WDFY3: variants seen among roughly 807,000 people sequenced by gnomAD.
WDFY3 encodes WD repeat and FYVE domain containing 3, also known as WD repeat and FYVE domain-containing protein 3.
WDFY3 carries 66 observed loss-of-function variants against 409.6 expected under a neutral mutation model. That is an observed-to-expected ratio of 0.16 (90% CI 0.13 to 0.20). WDFY3 has a LOEUF of 0.20. Among genes scored for constraint, WDFY3 ranks in the 10% least tolerant of loss-of-function variants. The probability of loss-of-function intolerance (pLI) is 1.00; values close to 1 mark genes in which losing one functional copy is unlikely to be tolerated. For missense variants in WDFY3, 3,031 were observed against 4,298.1 expected, an observed-to-expected ratio of 0.71 and a Z score of 8.24; for synonymous variants, 1,521 against 1,537.1, an observed-to-expected ratio of 0.99 and a Z score of 0.25.
intron 32 of WDFY3, among the ~76,000 whole-genome samples, chr4:84,759,995 TGA>T (rs1742237943): frequency 6.6e-6 from 1 of 152,076 alleles, no homozygotes; most frequent in South Asian, 2.1e-4. Flanking sequence ...CCTAATTTAT[TGA>T]GAGTTTTTAG....
intron 32 of WDFY3, among the ~76,000 whole-genome samples, chr4:84,763,041 T>C (rs943011468): frequency 6.6e-6 from 1 of 152,092 alleles, no homozygotes; most frequent in African/African-American, 2.4e-5. Flanking sequence ...TTGATTACAT[T>C]GCAAGTCCTA....
Position 84,691,970 on chromosome 4 carries a change from C to G in WDFY3, c.9050-185G>C, listed in dbSNP as rs138520888. 8.0e-3 allele frequency among the ~76,000 whole-genome samples: 1,214 copies of G among 152,298 alleles called. 13 individuals carry two copies. The highest frequency in any genetic ancestry group is 0.028 in the African/African-American group (1,143 of 41,558). On this transcript the variant is annotated intron_variant, in intron 59 of 67. Transcript: ENST00000295888. Reference sequence around the variant, plus strand: ...TACAAGACCTGCTGGGTGGAATGTTCAACCTAACAGGGCCTCTGCAGGACT... The same window carrying G: ...TACAAGACCTGCTGGGTGGAATGTTGAACCTAACAGGGCCTCTGCAGGACT...
intron 29 of WDFY3, among the ~76,000 whole-genome samples, chr4:84,774,088 T>A (rs1399583926): frequency 6.6e-6 from 1 of 152,138 alleles, no homozygotes; most frequent in Admixed American, 6.5e-5. Context: ...ACTATACAGA[T>A]TAGAGGTTAG....
At chr4:84,915,977 A>G (rs1349565052) in intron 2 of WDFY3, among the ~76,000 whole-genome samples, 1 of 152,210 alleles carries the variant, frequency 6.6e-6, no homozygotes, top group Non-Finnish European at 1.5e-5. Flanking sequence ...TAATAAACTT[A>G]GTCCTGAAAT....
chr4:84,939,913 T>C (rs546499367), intron 1 of WDFY3, among the ~76,000 whole-genome samples: 3 of 152,100 alleles, frequency 2.0e-5, no homozygotes, highest in East Asian at 1.9e-4. Context: ...GCCCTTTTAC[T>C]GGACAGAGCT....
chr4:84,905,292 T>G (rs1766894595), intron 2 of WDFY3, among the ~76,000 whole-genome samples: 2 of 152,286 alleles, frequency 1.3e-5, no homozygotes, highest in African/African-American at 4.8e-5. Context: ...GCCAAGATCA[T>G]GCCACTGCAC....
chr4:84,838,564 C>T (rs894591669), intron 6 of WDFY3, among the ~76,000 whole-genome samples: 3 of 152,254 alleles, frequency 2.0e-5, no homozygotes, highest in East Asian at 3.9e-4. Context: ...ACCCCCCAAA[C>T]CACATGAGAG....
At chr4:84,952,207 C>T (rs377457427) in intron 1 of WDFY3, among the ~76,000 whole-genome samples, 1 of 152,128 alleles carries the variant, frequency 6.6e-6, no homozygotes, top group Non-Finnish European at 1.5e-5. Flanking sequence ...AACACCTATG[C>T]CAACCCATGT....
At chr4:84,851,292 CT>C (rs1273462255) in intron 4 of WDFY3, among the ~76,000 whole-genome samples, 1 of 151,928 alleles carries the variant, frequency 6.6e-6, no homozygotes, top group African/African-American at 2.4e-5. Context: ...GTATCTCTCC[CT>C]TTTAACAGTC....
chr4:84,742,050 T>C (rs1190728447), intron 37 of WDFY3, 129 bp from the exon 38 acceptor site: 3 of 722,308 alleles, frequency 4.2e-6, no homozygotes, highest in South Asian at 6.2e-5. Flanking sequence ...GACTACTAGC[T>C]TTTATGCACT....
chr4:84,678,912 A>T lies in WDFY3; in HGVS notation c.10147+7T>A. 1 of 1,606,792 alleles carries T rather than the reference A, an allele frequency of 6.2e-7. No homozygotes were observed. Among genetic ancestry groups the T allele is most frequent in the Non-Finnish European group, 8.5e-7 (1 of 1,175,854 alleles). On this transcript the variant is annotated splice_region_variant and intron_variant, in intron 65 of 67. Coordinates refer to ENST00000295888, the MANE Select transcript of WDFY3 (RefSeq NM_014991.6). ...GAGTGAGAAATAGATACCAGACTTC[A>T]AGTTACCAGGTTTCAATCTGCTGTA... is the stretch of plus-strand genomic sequence containing the variant.
At chr4:84,731,110 G>GT (rs1053917582) in intron 44 of WDFY3, among the ~76,000 whole-genome samples, 13 of 152,212 alleles carry the variant, frequency 8.5e-5, no homozygotes, top group Admixed American at 5.9e-4. Context: ...GTCTCATTAT[G>GT]TTTTAAGAAA....
rs770602638 is a variant in WDFY3 at position 84,682,447 on chromosome 4, T to C, written c.9750A>G (p.Gln3250=). 2 of 1,613,712 alleles carry C rather than the reference T, an allele frequency of 1.2e-6. No individual in the cohort carries two copies. Among genetic ancestry groups the C allele is most frequent in the Admixed American group, 3.3e-5 (2 of 60,014 alleles). Reference sequence around the variant, plus strand: ...GCTCAGGAGCTGGTGTTTCAGGAACTTGCAAAAATTCCATTCTCCAAAACT... The same window carrying C: ...GCTCAGGAGCTGGTGTTTCAGGAACCTGCAAAAATTCCATTCTCCAAAACT... The part of the protein sequence containing the change: ...VVRFWRMEFL[Q]VPETPAPEPA... Residue 3250 remains glutamine (Q), a synonymous_variant, in exon 64 of 68, where the codon CAA becomes CAG. Transcript: ENST00000295888.
At chr4:84,766,109 A>C in intron 31 of WDFY3, 82 bp from the exon 32 acceptor site, 1 of 1,530,332 alleles carries the variant, frequency 6.5e-7, no homozygotes, top group Non-Finnish European at 8.9e-7. Flanking sequence ...AGGAAAAAGA[A>C]GACTGAGTTT....
chr4:84,673,191 G>A (rs1408510655), intron 67 of WDFY3, among the ~76,000 whole-genome samples, 200 bp from the exon 68 acceptor site: 4 of 152,082 alleles, frequency 2.6e-5, no homozygotes, highest in African/African-American at 9.7e-5. Flanking sequence ...TTAAACCAGG[G>A]AAGCTATTTC....
At chr4:84,743,677 A>G (rs1285187002) in intron 37 of WDFY3, 23 bp downstream of exon 37, 4 of 1,500,106 alleles carry the variant, frequency 2.7e-6, no homozygotes, top group South Asian at 1.3e-5. Flanking sequence ...AGGTATTTCT[A>G]TAAAATAAAA....
intron 56 of WDFY3, among the ~76,000 whole-genome samples, chr4:84,701,132 C>T (rs1560555722): frequency 6.6e-6 from 1 of 152,180 alleles, no homozygotes; most frequent in Non-Finnish European, 1.5e-5. Flanking sequence ...TGTTAATGTG[C>T]ATTCACAGTC....
chr4:84,830,026 G>A (rs1467054468), intron 8 of WDFY3, among the ~76,000 whole-genome samples: 1 of 151,988 alleles, frequency 6.6e-6, no homozygotes, highest in African/African-American at 2.4e-5. Context: ...GTATGTATTT[G>A]TATAAAGAAA....
chr4:84,880,670 C>CATATAT (rs1412358154), intron 3 of WDFY3, among the ~76,000 whole-genome samples: 12 of 55,216 alleles, frequency 2.2e-4, no homozygotes, highest in African/African-American at 8.9e-4. Flanking sequence ...ATAAGGGAAC[C>CATATAT]ATACATATAT....
Sources: gnomAD v4.1 joint callset for allele counts (sites outside exome capture counted in the v4.1 genomes callset) on GRCh38, gnomAD v4.1.1 for gene constraint, MANE v1.5 for transcripts, NCBI Gene and HGNC (gene_info 2026-07-23, HGNC 2026-07-21) for gene names.